Variants in BIRC6 observed in about 807,000 individuals in gnomAD.
The protein encoded by BIRC6 is baculoviral IAP repeat containing 6, also known as dual E2 ubiquitin-conjugating enzyme/E3 ubiquitin-protein ligase BIRC6.
Under a neutral mutation model 503.3 loss-of-function variants are expected in BIRC6, and 98 were observed. That is an observed-to-expected ratio of 0.19 (90% CI 0.17 to 0.23). BIRC6 has a LOEUF of 0.23. Ranked by LOEUF, BIRC6 falls within the 10% of genes least tolerant of loss-of-function variation. The pLI is 1.00. For synonymous variants in BIRC6, 2,240 were observed against 2,078.7 expected (o/e 1.08, Z -2.11); for missense variants, 5,360 against 5,806.0 (o/e 0.92, Z 2.50).
intron 29 of BIRC6, among the ~76,000 whole-genome samples, chr2:32,469,012 T>C (rs1314481586): frequency 6.6e-6 from 1 of 152,204 alleles, no homozygotes; most frequent in Non-Finnish European, 1.5e-5. Context: ...GACATGCACA[T>C]CATTGTGCTA....
In BIRC6 at chr2:32,468,714, A is replaced by G; in HGVS notation, c.6058A>G (p.Thr2020Ala). Reference protein sequence around the residue: ...NPEDLIQTSSTEQLRTIIRYL... With the variant: ...NPEDLIQTSSAEQLRTIIRYL... ...AGAAGATTTAATTCAGACATCTTCCACAGAGCAGTTACGTACTATCATCAG... is the reference window on the plus strand; with the variant it reads ...AGAAGATTTAATTCAGACATCTTCCGCAGAGCAGTTACGTACTATCATCAG... Residue 2020 changes from threonine (T) to alanine (A), a missense_variant, in exon 29 of 74, where the codon ACA becomes GCA. Physicochemically the swap from Thr to Ala is moderately conservative, Grantham distance 58. Around this residue, in one of 16 missense-constraint regions of BIRC6, gnomAD observed 2,299 missense variants for 2,267.2 expected, o/e 1.01. Coordinates refer to ENST00000421745, the MANE Select transcript of BIRC6 (RefSeq NM_016252.4). 6.2e-7 allele frequency: 1 copy of G among 1,613,984 alleles called. No individual in the cohort carries two copies.
chr2:32,504,696 A>AATT (rs1558914812), intron 49 of BIRC6, among the ~76,000 whole-genome samples: 19 of 151,550 alleles, frequency 1.3e-4, no homozygotes, highest in African/African-American at 2.4e-4. Context: ...AATAAATAAT[A>AATT]AAAAAAATTT....
chr2:32,531,273 A>C lies in BIRC6; in HGVS notation c.12095-82A>C, dbSNP rs572172279. On this transcript the variant is annotated intron_variant, in intron 60 of 73. Coordinates refer to ENST00000421745, the MANE Select transcript of BIRC6 (RefSeq NM_016252.4). Reference sequence around the variant, plus strand: ...CTTTTTTGAGTAGCAAGAAAGCAGTAATACCTGCTTTTGTAAATGAAAGAA... The same window carrying C: ...CTTTTTTGAGTAGCAAGAAAGCAGTCATACCTGCTTTTGTAAATGAAAGAA... 7 of 1,188,330 alleles carry C rather than the reference A, an allele frequency of 5.9e-6. No individual in the cohort carries two copies. The African/African-American group carries it at 6.2e-5, about 10-fold the overall frequency. The allele number at this position is 1,188,330 out of a possible 1,614,324, so 73.6% of individuals were successfully genotyped here.
At chr2:32,550,487 G>A (rs559779351) in intron 65 of BIRC6, among the ~76,000 whole-genome samples, 1 of 151,932 alleles carries the variant, frequency 6.6e-6, no homozygotes, top group East Asian at 1.9e-4. Context: ...ACATCAGACT[G>A]GTCTTTTTTA....
At chr2:32,441,507 G>A in intron 17 of BIRC6, 45 bp downstream of exon 17, 1 of 1,563,616 alleles carries the variant, frequency 6.4e-7, no homozygotes, top group Non-Finnish European at 8.7e-7. Flanking sequence ...TAATGAAAGT[G>A]CAGAGCATAA....
At chr2:32,484,530 G>T (rs62136306) in intron 39 of BIRC6, among the ~76,000 whole-genome samples, 9,761 of 139,528 alleles carry the variant, frequency 0.07, 468 homozygotes, top group Admixed American at 0.16. Flanking sequence ...CAGCCTGGAC[G>T]ATAGAGCAAA....
At chr2:32,372,471 A>C (rs1254582985) in intron 1 of BIRC6, among the ~76,000 whole-genome samples, 5 of 152,148 alleles carry the variant, frequency 3.3e-5, no homozygotes, top group Admixed American at 3.3e-4. Context: ...GCATGTATTA[A>C]TATTTCATTC....
chr2:32,588,837 A>C (rs2061227956), intron 66 of BIRC6, among the ~76,000 whole-genome samples: 1 of 152,168 alleles, frequency 6.6e-6, no homozygotes, highest in Non-Finnish European at 1.5e-5. Flanking sequence ...CTATTGTGAA[A>C]ATTCATTCTG....
chr2:32,386,238 A>G (rs1438553431), intron 3 of BIRC6, among the ~76,000 whole-genome samples: 1 of 152,166 alleles, frequency 6.6e-6, no homozygotes, highest in Non-Finnish European at 1.5e-5. Context: ...ATAGAAAAAT[A>G]TTGGATAGAA....
intron 61 of BIRC6, among the ~76,000 whole-genome samples, chr2:32,532,600 T>C (rs1443117302): frequency 6.6e-6 from 1 of 152,074 alleles, no homozygotes; most frequent in Non-Finnish European, 1.5e-5. Context: ...TCTTCATAGG[T>C]GCTAGGGGTT....
Position 32,416,160 on chromosome 2 carries a change from A to G in BIRC6, c.2869A>G (p.Lys957Glu), listed in dbSNP as rs1368687388. ...CACAGACAGGCTGTGTGCATGCACC[A>G]AAGGTAAGTTGTCTGATTATGCTAT... ...SGTDRLCACTKGGELHFLQIG... is the reference protein window; with the variant it reads ...SGTDRLCACTEGGELHFLQIG... The change falls in exon 10 of 74, where the codon AAA becomes GAA. Residue 957 changes from lysine (K) to glutamate (E), a missense_variant. Physicochemically the swap from Lys to Glu is moderately conservative, Grantham distance 56 (BLOSUM62 1). Coordinates refer to ENST00000421745, the MANE Select transcript of BIRC6 (RefSeq NM_016252.4). 2 of 1,585,468 alleles carry G rather than the reference A, an allele frequency of 1.3e-6. No individual in the cohort carries two copies. The highest frequency in any genetic ancestry group is 2.2e-5 in the East Asian group (1 of 44,542).
chr2:32,508,677 T>C (rs1282128148), intron 51 of BIRC6, among the ~76,000 whole-genome samples: 1 of 152,204 alleles, frequency 6.6e-6, no homozygotes, highest in Non-Finnish European at 1.5e-5. Flanking sequence ...AGAAGGATTA[T>C]GTCTGAACCA....
chr2:32,479,629 C>T lies in BIRC6; in HGVS notation c.7408+12C>T, dbSNP rs529941767. 13 of 1,567,264 alleles carry T rather than the reference C, an allele frequency of 8.3e-6. 1 individual carries two copies. The South Asian group carries it at 1.2e-4, about 14-fold the overall frequency. ...ACATGACATAACAGGTAAAGTTTTA[C>T]ATTATGTTTCTTCTTTATTCTATTA... is the stretch of plus-strand genomic sequence containing the variant. On this transcript the variant is annotated intron_variant, in intron 37 of 73. Coordinates refer to ENST00000421745, the MANE Select transcript of BIRC6 (RefSeq NM_016252.4).
chr2:32,362,345 TCG>T (rs2034236095), intron 1 of BIRC6, among the ~76,000 whole-genome samples: 1 of 150,586 alleles, frequency 6.6e-6, no homozygotes. Context: ...AGACAGAGTC[TCG>T]CTCTGTCGCC....
At position 32,479,574 on chromosome 2, in the gene BIRC6, G is replaced by T. The variant is rs1321004906; in HGVS notation, c.7365G>T (p.Gln2455His). The T allele has an allele frequency of 1.2e-6, 2 of 1,609,904 alleles. No individual in the cohort carries two copies. The highest frequency in any genetic ancestry group is 3.4e-5 in the Admixed American group (2 of 59,570). The part of the protein sequence containing the change: ...SDDSLQQSSV[Q>H]LLETIDEPLT... ...ACTCCCTTCAACAGTCCTCAGTTCA[G>T]TTGCTGGAAACTATAGATGAACCTT... is the stretch of plus-strand genomic sequence containing the variant. Residue 2455 changes from glutamine to histidine, a missense_variant, in exon 37 of 74, where the codon CAG becomes CAT. Transcript: ENST00000421745.
chr2:32,441,265 T>TA (rs1301826654), intron 16 of BIRC6, 64 bp from the exon 17 acceptor site: 30 of 1,200,306 alleles, frequency 2.5e-5, no homozygotes, highest in Non-Finnish European at 7.0e-6. Flanking sequence ...TTTTATAACT[T>TA]CAATGGTAAA....
Position 32,401,545 on chromosome 2 carries a change from T to G in BIRC6, c.1340T>G (p.Val447Gly). ...CTATCAGGAGACCCAAGCTCAGGAG[T>G]TGATTCAAGGAGACCAACTTTGGCG... ...LILSGDPSSG[V>G]DSRRPTLAWL... The change falls in exon 8 of 74, where the codon GTT becomes GGT. Residue 447 changes from valine to glycine, a missense_variant. Transcript: ENST00000421745. 4 of 1,613,900 alleles carry G rather than the reference T, an allele frequency of 2.5e-6. No homozygotes were observed. Among genetic ancestry groups the G allele is most frequent in the Non-Finnish European group, 2.5e-6 (3 of 1,179,876 alleles).
At chr2:32,511,003 G>A (rs1318633560) in intron 53 of BIRC6, among the ~76,000 whole-genome samples, 1 of 152,092 alleles carries the variant, frequency 6.6e-6, no homozygotes, top group African/African-American at 2.4e-5. Flanking sequence ...TGAATGTAGG[G>A]ATATTGTGTC....
intron 72 of BIRC6, among the ~76,000 whole-genome samples, chr2:32,610,925 T>C (rs1384611366): frequency 6.6e-6 from 1 of 151,822 alleles, no homozygotes; most frequent in African/African-American, 2.4e-5. Context: ...CCTGCCACCA[T>C]GCCTGGCTAA....
Sources: allele counts gnomAD v4.1 joint callset (sites outside exome capture counted in the v4.1 genomes callset), GRCh38; gene constraint gnomAD v4.1.1; regional missense constraint gnomAD v4.1.1; transcripts MANE v1.5; gene names NCBI Gene and HGNC (gene_info 2026-07-23, HGNC 2026-07-21).